Variants in FAM227B observed in about 807,000 individuals in gnomAD.
The protein encoded by FAM227B is protein FAM227B.
A neutral mutation model predicts 73.8 loss-of-function variants in FAM227B; 88 were observed. The observed-to-expected ratio is 1.19, with a 90% confidence interval of 1.00 to 1.42. The LOEUF is 1.42. Ranked by LOEUF, FAM227B falls within the 40% of genes most tolerant of loss-of-function variation. The pLI is 0.00. For synonymous variants in FAM227B, 210 were observed against 190.5 expected (o/e 1.10, Z -0.84); for missense variants, 632 against 590.9 (o/e 1.07, Z -0.72).
chr15:49,561,595 A>G (rs888308381), intron 9 of FAM227B, among the ~76,000 whole-genome samples: 4 of 152,176 alleles, frequency 2.6e-5, no homozygotes, highest in African/African-American at 9.6e-5. Context: ...ACATACTCTA[A>G]GATCAACCAC....
At chr15:49,562,842 C>A (rs569727446) in intron 9 of FAM227B, among the ~76,000 whole-genome samples, 1 of 152,154 alleles carries the variant, frequency 6.6e-6, no homozygotes, top group South Asian at 2.1e-4. Context: ...ACTGAAGGAA[C>A]ATACCTCAAA....
At chr15:49,402,348 G>C (rs2048225369) in intron 11 of FAM227B, among the ~76,000 whole-genome samples, 1 of 152,142 alleles carries the variant, frequency 6.6e-6, no homozygotes, top group East Asian at 1.9e-4. Flanking sequence ...CAATGTCATT[G>C]AATCTATAAA....
At chr15:49,611,979 C>G (rs1238521754) in intron 2 of FAM227B, among the ~76,000 whole-genome samples, 1 of 151,704 alleles carries the variant, frequency 6.6e-6, no homozygotes, top group African/African-American at 2.4e-5. Context: ...TGGTAACATA[C>G]AGCAGATTAT....
intron 11 of FAM227B, among the ~76,000 whole-genome samples, chr15:49,497,432 T>C (rs1260848156): frequency 6.6e-6 from 1 of 152,198 alleles, no homozygotes; most frequent in Non-Finnish European, 1.5e-5. Context: ...CCCTTTGCAA[T>C]GATTTCCTAT....
intron 5 of FAM227B, among the ~76,000 whole-genome samples, chr15:49,580,109 T>A (rs1385887280): frequency 1.3e-5 from 2 of 152,196 alleles, no homozygotes; most frequent in Non-Finnish European, 2.9e-5. Context: ...AAAATTCTGA[T>A]TGATAAATCC....
chr15:49,427,512 T>G (rs1000494586), intron 11 of FAM227B, among the ~76,000 whole-genome samples: 2 of 152,022 alleles, frequency 1.3e-5, no homozygotes. Context: ...TTTGGAGGTC[T>G]TTTAAGTTAG....
chr15:49,366,462 G>T, intron 13 of FAM227B: 1 of 1,002,766 alleles, frequency 1.0e-6, no homozygotes, highest in South Asian at 1.3e-5. Context: ...ACATCAGAAA[G>T]GTTGCATAGT....
intron 11 of FAM227B, among the ~76,000 whole-genome samples, chr15:49,436,008 A>C (rs1233380908): frequency 6.6e-6 from 1 of 151,560 alleles, no homozygotes; most frequent in African/African-American, 2.4e-5. Flanking sequence ...ATTAATTCTC[A>C]AAATATCTCC....
At chr15:49,462,700 C>T (rs1317620662) in intron 11 of FAM227B, among the ~76,000 whole-genome samples, 1 of 152,172 alleles carries the variant, frequency 6.6e-6, no homozygotes, top group Non-Finnish European at 1.5e-5. Flanking sequence ...CTCTTTCTCT[C>T]ATTCAATTTA....
intron 1 of FAM227B, among the ~76,000 whole-genome samples, chr15:49,618,988 G>A (rs904449607): frequency 6.6e-6 from 1 of 152,180 alleles, no homozygotes; most frequent in Non-Finnish European, 1.5e-5. Context: ...CTGGCCAACA[G>A]AATGTGGCCA....
rs1432810961 is a variant in FAM227B, at chr15:49,422,118, C to CAGAGAGAGAGAG, written c.1013-50720_1013-50719insCTCTCTCTCTCT. On this transcript the variant is annotated intron_variant, in intron 11 of 15. Coordinates refer to ENST00000299338, the MANE Select transcript of FAM227B (RefSeq NM_152647.3). ...CCTGGTGGTAAAGTAGTGCATTTCA[C>CAGAGAGAGAGAG]ATAGAGAGAGAGAGAGAGAGAGAGA... Among the ~76,000 whole-genome samples the CAGAGAGAGAGAG allele has an allele frequency of 1.3e-3, 99 of 79,114 alleles. 3 individuals carry two copies. Among genetic ancestry groups the CAGAGAGAGAGAG allele is most frequent in the Middle Eastern group, 6.1e-3 (1 of 164 alleles). The allele number at this position is 79,114 out of a possible 152,430, so 51.9% of individuals were successfully genotyped here. A position where few individuals can be genotyped will look rare whatever the true frequency, so the allele number is the denominator to read the frequency against.
intron 5 of FAM227B, among the ~76,000 whole-genome samples, chr15:49,579,472 T>C (rs1167291177): frequency 6.6e-6 from 1 of 152,200 alleles, no homozygotes; most frequent in Non-Finnish European, 1.5e-5. Flanking sequence ...ATTAAACGAA[T>C]GAAATCCTGT....
intron 9 of FAM227B, among the ~76,000 whole-genome samples, chr15:49,548,158 T>C (rs2072226243): frequency 6.6e-6 from 1 of 152,190 alleles, no homozygotes; most frequent in African/African-American, 2.4e-5. Context: ...CTGAGTCTGT[T>C]ATACATGGTT....
intron 13 of FAM227B, chr15:49,353,614 GTTTTT>G (rs59655647): frequency 3.6e-5 from 5 of 138,722 alleles, no homozygotes; most frequent in African/African-American, 1.3e-4. Flanking sequence ...GAAAATAAGG[GTTTTT>G]TTTTTTTTTT....
intron 11 of FAM227B, among the ~76,000 whole-genome samples, chr15:49,456,593 C>T (rs2053317125): frequency 6.6e-6 from 1 of 152,006 alleles, no homozygotes; most frequent in Admixed American, 6.6e-5. Flanking sequence ...CCTTTCTCTT[C>T]TCAAGGAATA....
chr15:49,447,722 T>G (rs1203599128), intron 11 of FAM227B, among the ~76,000 whole-genome samples: 3 of 151,670 alleles, frequency 2.0e-5, no homozygotes, highest in African/African-American at 7.3e-5. Flanking sequence ...TGTTAATACT[T>G]GAGAAAATTT....
intron 11 of FAM227B, among the ~76,000 whole-genome samples, chr15:49,461,785 T>C (rs1394875888): frequency 6.6e-6 from 1 of 152,212 alleles, no homozygotes; most frequent in Non-Finnish European, 1.5e-5. Context: ...TTATGCTAAT[T>C]ATGGTACTGA....
intron 10 of FAM227B, among the ~76,000 whole-genome samples, chr15:49,516,016 C>A (rs1009336654): frequency 2.0e-5 from 3 of 152,060 alleles, no homozygotes; most frequent in African/African-American, 7.2e-5. Flanking sequence ...TATTTTGGAT[C>A]TGGTATGTAG....
At chr15:49,379,551 A>G (rs771696673) in intron 11 of FAM227B, among the ~76,000 whole-genome samples, 15 of 152,134 alleles carry the variant, frequency 9.9e-5, no homozygotes, top group Non-Finnish European at 1.8e-4. Context: ...TGATTTTCCA[A>G]TGTATTGCCA....
Sources: gnomAD v4.1 joint callset for allele counts (sites outside exome capture counted in the v4.1 genomes callset) on GRCh38, gnomAD v4.1.1 for gene constraint, MANE v1.5 for transcripts, NCBI Gene and HGNC (gene_info 2026-07-23, HGNC 2026-07-21) for gene names.